The following TTC6 variants were observed in gnomAD, a reference collection of about 807,000 sequenced individuals.
TTC6 encodes tetratricopeptide repeat domain 6, also known as tetratricopeptide repeat protein 6.
TTC6 carries 172 observed loss-of-function variants against 210.4 expected under a neutral mutation model. The observed-to-expected ratio is 0.82, with a 90% CI of 0.72 to 0.93. The LOEUF (loss-of-function observed/expected upper bound fraction) is 0.93, where lower values mean the gene tolerates loss of function less well. TTC6 is among the 40% of genes least tolerant of loss of function. The pLI, the probability that TTC6 is intolerant of heterozygous loss-of-function variation, is 0.00. For missense variants in TTC6, 2,414 were observed against 2,318.1 expected, an observed-to-expected ratio of 1.04 and a Z score of -0.85; for synonymous variants, 804 against 819.6, an observed-to-expected ratio of 0.98 and a Z score of 0.32.
chr14:37,842,079 C>A, intron 30 of TTC6, 76 bp from the exon 33 acceptor site: 1 of 1,315,842 alleles, frequency 7.6e-7, no homozygotes, highest in South Asian at 2.0e-5. Flanking sequence ...AGTTCTTATC[C>A]AATTTTTTTT....
At chr14:37,655,722 G>A (rs1468122357) in intron 1 of TTC6, among the ~76,000 whole-genome samples, 3 of 152,144 alleles carry the variant, frequency 2.0e-5, no homozygotes, top group Non-Finnish European at 4.4e-5. Context: ...CAAGAAATAC[G>A]ATGACATTCA....
chr14:37,796,349 C>A, exon 19 of TTC6: 1 of 1,244,294 alleles, frequency 8.0e-7, no homozygotes, highest in Non-Finnish European at 1.1e-6. Flanking sequence ...TACTATTTAT[C>A]AAATAGCAGA....
chr14:37,812,229 T>C, intron 24 of TTC6, 85 bp from the exon 27 acceptor site: 4 of 1,380,478 alleles, frequency 2.9e-6, no homozygotes, highest in Non-Finnish European at 3.9e-6. Context: ...CATTGGGTCC[T>C]AGTTTGGACA....
chr14:37,658,929 C>T (rs1001864841), intron 1 of TTC6, among the ~76,000 whole-genome samples: 1 of 152,118 alleles, frequency 6.6e-6, no homozygotes, highest in Non-Finnish European at 1.5e-5. Context: ...TCCTCCCACC[C>T]TTCACCCTCA....
At chr14:37,807,371 G>A in exon 23 of TTC6, 1 of 1,530,758 alleles carries the variant, frequency 6.5e-7, no homozygotes. Context: ...GTATTCCAAA[G>A]CAATCTTGAA....
chr14:37,659,933 A>T (rs1280208494), intron 1 of TTC6, among the ~76,000 whole-genome samples: 1 of 152,102 alleles, frequency 6.6e-6, no homozygotes, highest in Non-Finnish European at 1.5e-5. Flanking sequence ...TCATTTGCCC[A>T]CTTTTTAATA....
At chr14:37,732,054 A>G (rs1039766071) in intron 7 of TTC6, among the ~76,000 whole-genome samples, 1 of 151,980 alleles carries the variant, frequency 6.6e-6, no homozygotes, top group Non-Finnish European at 1.5e-5. Context: ...TTGAAAATTC[A>G]TGTGTAGCTT....
intron 1 of TTC6, among the ~76,000 whole-genome samples, chr14:37,603,571 G>A (rs986165073): frequency 2.0e-5 from 3 of 152,270 alleles, no homozygotes; most frequent in East Asian, 3.9e-4. Flanking sequence ...AATTTAGGGC[G>A]AAAGCTTTCC....
intron 17 of TTC6, among the ~76,000 whole-genome samples, chr14:37,793,894 A>G (rs958175759): frequency 2.0e-5 from 3 of 152,136 alleles, no homozygotes; most frequent in African/African-American, 7.2e-5. Flanking sequence ...TTTTTAAGTA[A>G]GAAAAGTAGG....
rs556579853 is a variant in TTC6 at position 37,789,805 on chromosome 14, A to G, written c.3437-912A>G. ...AGTGGTGCATGACTGTACTTCCTTA[A>G]TGTGTATGATCATTGCTGACACTGG... is the stretch of plus-strand genomic sequence containing the variant. On this transcript the variant is annotated intron_variant, in intron 15 of 30. Coordinates refer to ENST00000553443, the Ensembl canonical transcript of TTC6. Among the ~76,000 whole-genome samples, 13 of 152,002 alleles carry G rather than the reference A, an allele frequency of 8.6e-5. No individual in the cohort carries two copies. In the South Asian group the frequency reaches 2.7e-3, roughly 32 times the overall value.
chr14:37,732,692 C>G (rs936609120), intron 7 of TTC6, among the ~76,000 whole-genome samples: 24 of 151,684 alleles, frequency 1.6e-4, no homozygotes, highest in Admixed American at 6.6e-5. Context: ...AATCTCGGCT[C>G]ACTGCAAGCT....
intron 14 of TTC6, among the ~76,000 whole-genome samples, chr14:37,761,390 C>G (rs931131186): frequency 6.6e-6 from 1 of 151,982 alleles, no homozygotes; most frequent in Non-Finnish European, 1.5e-5. Flanking sequence ...AGAAATCACC[C>G]ACCTTTTGCG....
chr14:37,668,713 C>G (rs1380256368), intron 1 of TTC6, among the ~76,000 whole-genome samples: 1 of 152,102 alleles, frequency 6.6e-6, no homozygotes. Flanking sequence ...AGTCACATGG[C>G]AAAAGGTGTG....
chr14:37,807,512 C>A, intron 23 of TTC6, 52 bp downstream of exon 25: 4 of 1,412,476 alleles, frequency 2.8e-6, no homozygotes, highest in Non-Finnish European at 3.8e-6. Context: ...GGCAGATTCT[C>A]TTATGCTAGG....
At chr14:37,762,941 G>A (rs1204164131) in intron 14 of TTC6, among the ~76,000 whole-genome samples, 2 of 146,322 alleles carry the variant, frequency 1.4e-5, no homozygotes, top group Non-Finnish European at 1.5e-5. Context: ...CTGGAGTGCA[G>A]TGGTGCCATC....
At chr14:37,825,919 G>C (rs917265788) in intron 27 of TTC6, among the ~76,000 whole-genome samples, 1 of 152,000 alleles carries the variant, frequency 6.6e-6, no homozygotes, top group Non-Finnish European at 1.5e-5. Context: ...TGGTGGCTAT[G>C]ATTTTATGTT....
chr14:37,624,631 CT>C (rs963934550), intron 1 of TTC6, among the ~76,000 whole-genome samples: 59 of 148,480 alleles, frequency 4.0e-4, no homozygotes, highest in Non-Finnish European at 6.0e-4. Flanking sequence ...CTTGTGTATT[CT>C]TTTTTTTTTG....
At chr14:37,697,537 A>G (rs899260625) in intron 4 of TTC6, among the ~76,000 whole-genome samples, 1 of 152,138 alleles carries the variant, frequency 6.6e-6, no homozygotes, top group Non-Finnish European at 1.5e-5. Context: ...GTTGTTGCTT[A>G]GGGAACTAAC....
In TTC6 at chr14:37,814,502, A is replaced by G. The variant is rs933073627; in HGVS notation, c.4689+2069A>G. On this transcript the variant is annotated intron_variant, in intron 25 of 30. Transcript: ENST00000553443. ...CAGAAATGGAGGAAACCAGCAGAAA[A>G]GAAATGATAATATAGAAGACCAAAA... Among the ~76,000 whole-genome samples, 6 of 152,338 alleles carry G rather than the reference A, an allele frequency of 3.9e-5. 1 individual carries two copies. The highest frequency in any genetic ancestry group is 8.8e-5 in the Non-Finnish European group (6 of 68,020).
Sources: allele counts gnomAD v4.1 joint callset (sites outside exome capture counted in the v4.1 genomes callset), GRCh38; gene constraint gnomAD v4.1.1; transcripts MANE v1.5; gene names NCBI Gene and HGNC (gene_info 2026-07-23, HGNC 2026-07-21).